Variants in IL1RAPL1 observed in about 807,000 individuals in gnomAD.
IL1RAPL1 encodes interleukin 1 receptor accessory protein like 1, also known as interleukin-1 receptor accessory protein-like 1.
A neutral mutation model predicts 48.4 loss-of-function variants in IL1RAPL1; 3 were observed. The ratio of observed to expected loss-of-function variants is 0.06; its 90% CI spans 0.03 to 0.16. The LOEUF is 0.16. Among genes scored for constraint, IL1RAPL1 ranks in the 10% least tolerant of loss-of-function variants. IL1RAPL1 has a pLI of 1.00. For missense variants in IL1RAPL1, 349 were observed against 530.6 expected, an observed-to-expected ratio of 0.66 and a Z score of 3.36; for synonymous variants, 185 against 187.7, an observed-to-expected ratio of 0.99 and a Z score of 0.12.
chrX:29,468,499 A>G (rs894173232), intron 5 of IL1RAPL1, among the ~76,000 whole-genome samples: 2 of 112,083 alleles, frequency 1.8e-5, no homozygotes, highest in Middle Eastern at 4.2e-3. Context: ...AACACTGATT[A>G]CAGTATGTTT....
At chrX:29,333,829 C>T (rs1932927164) in intron 3 of IL1RAPL1, among the ~76,000 whole-genome samples, 1 of 75,248 alleles carries the variant, frequency 1.3e-5, no homozygotes, top group African/African-American at 5.2e-5. Flanking sequence ...CCGGACGGGG[C>T]GGCTGGCCGG....
chrX:29,359,135 A>G (rs1179956146), intron 3 of IL1RAPL1, among the ~76,000 whole-genome samples: 1 of 112,047 alleles, frequency 8.9e-6, no homozygotes, highest in Non-Finnish European at 1.9e-5. Context: ...ATAGGCTAGT[A>G]TAAAGAAAAT....
chrX:28,999,623 C>A (rs1402449086), intron 2 of IL1RAPL1, among the ~76,000 whole-genome samples: 1 of 111,722 alleles, frequency 9.0e-6, no homozygotes, highest in African/African-American at 3.2e-5. Flanking sequence ...TATCTCTTAT[C>A]CTTTTGAAGT....
intron 2 of IL1RAPL1, among the ~76,000 whole-genome samples, chrX:29,040,791 T>C (rs977527986): frequency 8.9e-6 from 1 of 112,082 alleles, no homozygotes; most frequent in African/African-American, 3.2e-5. Flanking sequence ...GGTGATTCCA[T>C]AATGGAACTA....
At chrX:28,882,933 T>C (rs1410256693) in intron 2 of IL1RAPL1, among the ~76,000 whole-genome samples, 1 of 111,949 alleles carries the variant, frequency 8.9e-6, no homozygotes, top group Non-Finnish European at 1.9e-5. Flanking sequence ...TAAAAACCTA[T>C]AAATCCATAA....
intron 1 of IL1RAPL1, among the ~76,000 whole-genome samples, chrX:28,747,893 G>T (rs930100750): frequency 9.0e-6 from 1 of 111,263 alleles, no homozygotes; most frequent in Admixed American, 9.6e-5. Flanking sequence ...TTGTTTCCCA[G>T]ATTCTCTCTA....
Position 29,917,511 on chromosome X carries a change from G to A in IL1RAPL1, c.826G>A (p.Asp276Asn). The change falls in exon 7 of 11, where the codon GAT (aspartate) becomes AAT (asparagine). Residue 276 changes from aspartate (D) to asparagine (N), a missense_variant. Coordinates refer to ENST00000378993, the MANE Select transcript of IL1RAPL1 (RefSeq NM_014271.4). ...TCRAFFGYSG[D>N]VSPLIYWMKG... is the part of the protein sequence containing the mutation. ...CAGAGCTTTCTTTGGGTACAGCGGA[G>A]ATGTCAGTCCTTTAATTTACTGGAT... 8.3e-7 allele frequency: 1 copy of A among 1,204,696 alleles called. No individual in the cohort carries two copies. Among genetic ancestry groups the A allele is most frequent in the African/African-American group, 1.7e-5 (1 of 57,619 alleles).
chrX:29,682,720 C>T (rs183166804), intron 6 of IL1RAPL1, among the ~76,000 whole-genome samples: 1 of 112,340 alleles, frequency 8.9e-6, no homozygotes, highest in Non-Finnish European at 1.9e-5. Context: ...ATTCACTCAG[C>T]TTTAATAGTC....
At chrX:29,375,607 T>G (rs1933612121) in intron 3 of IL1RAPL1, among the ~76,000 whole-genome samples, 1 of 111,900 alleles carries the variant, frequency 8.9e-6, no homozygotes, top group Non-Finnish European at 1.9e-5. Context: ...GAAACGACCC[T>G]CTAAGGACTG....
Position 29,283,016 on chromosome X carries a change from C to T in IL1RAPL1, c.161C>T (p.Ala54Val), listed in dbSNP as rs1932227016. The change falls in exon 3 of 11, where the codon GCA becomes GTA. Residue 54 changes from alanine (A) to valine (V), a missense_variant. By Grantham distance (64) the Ala-to-Val change is moderately conservative. Around this residue, in one of 3 missense-constraint regions of IL1RAPL1, gnomAD observed 238 missense variants for 337.8 expected, o/e 0.70. Transcript: ENST00000378993. ...GGAGAGCCTGTTCGAATCAAATGTGCACTCTTTTATGGTTATATCAGAACA... is the reference window on the plus strand; with the variant it reads ...GGAGAGCCTGTTCGAATCAAATGTGTACTCTTTTATGGTTATATCAGAACA... Reference protein sequence around the residue: ...LVGEPVRIKCALFYGYIRTNY... With the variant: ...LVGEPVRIKCVLFYGYIRTNY... 8.3e-7 allele frequency: 1 copy of T among 1,208,310 alleles called. No individual in the cohort carries two copies. Among genetic ancestry groups the T allele is most frequent in the Non-Finnish European group, 1.1e-6 (1 of 893,726 alleles).
At chrX:29,086,434 A>G (rs984945404) in intron 2 of IL1RAPL1, among the ~76,000 whole-genome samples, 2 of 112,287 alleles carry the variant, frequency 1.8e-5, no homozygotes, top group African/African-American at 6.5e-5. Flanking sequence ...AATTCCTCAT[A>G]TTTCTGATAA....
intron 5 of IL1RAPL1, among the ~76,000 whole-genome samples, chrX:29,476,223 T>A (rs1934971987): frequency 9.0e-6 from 1 of 111,722 alleles, no homozygotes; most frequent in African/African-American, 3.3e-5. Context: ...GGCTACTGAG[T>A]ATAACCAGAG....
intron 1 of IL1RAPL1, among the ~76,000 whole-genome samples, chrX:28,785,368 C>A (rs1313049386): frequency 4.5e-5 from 5 of 112,085 alleles, no homozygotes; most frequent in Non-Finnish European, 9.4e-5. Flanking sequence ...CCAAATGATC[C>A]TCCTGCCTTG....
At chrX:29,822,964 C>T (rs1479514961) in intron 6 of IL1RAPL1, among the ~76,000 whole-genome samples, 1 of 111,067 alleles carries the variant, frequency 9.0e-6, no homozygotes, top group Non-Finnish European at 1.9e-5. Flanking sequence ...ATGGTGTGGC[C>T]AAAGGCACAG....
chrX:29,175,624 A>G (rs1357871750), intron 2 of IL1RAPL1, among the ~76,000 whole-genome samples: 2 of 109,379 alleles, frequency 1.8e-5, no homozygotes, highest in East Asian at 2.9e-4. Flanking sequence ...AGGCGGGAGG[A>G]TCATGAGGTC....
intron 2 of IL1RAPL1, among the ~76,000 whole-genome samples, chrX:28,988,364 T>C (rs73631633): frequency 8.3e-4 from 93 of 111,951 alleles, no homozygotes; most frequent in African/African-American, 2.7e-3. Context: ...CCTTTTTTTT[T>C]CTTCCAGTCC....
At chrX:29,865,604 T>G (rs1285063119) in intron 6 of IL1RAPL1, among the ~76,000 whole-genome samples, 3 of 108,702 alleles carry the variant, frequency 2.8e-5, no homozygotes, top group African/African-American at 6.7e-5. Context: ...TGGGCTCATT[T>G]CTGTTCATGT....
intron 5 of IL1RAPL1, among the ~76,000 whole-genome samples, chrX:29,658,010 C>T (rs1348095422): frequency 9.0e-6 from 1 of 111,326 alleles, no homozygotes; most frequent in Non-Finnish European, 1.9e-5. Context: ...ATTAACTATA[C>T]ACAAATTTAT....
At chrX:28,734,533 T>TA (rs1935796569) in intron 1 of IL1RAPL1, among the ~76,000 whole-genome samples, 2 of 87,766 alleles carry the variant, frequency 2.3e-5, no homozygotes, top group African/African-American at 9.3e-5. Flanking sequence ...TTCTTTTAGG[T>TA]CTTTACCAAA....
Sources: gnomAD v4.1 joint callset for allele counts (sites outside exome capture counted in the v4.1 genomes callset) on GRCh38, gnomAD v4.1.1 for gene constraint, gnomAD v4.1.1 regional missense constraint, MANE v1.5 for transcripts, NCBI Gene and HGNC (gene_info 2026-07-23, HGNC 2026-07-21) for gene names.